Variants in SOX13 observed in about 807,000 individuals in gnomAD.
SOX13 encodes transcription factor SOX-13.
Under a neutral mutation model 71.8 loss-of-function variants are expected in SOX13, and 28 were observed. The ratio of observed to expected loss-of-function variants is 0.39; its 90% CI spans 0.29 to 0.53. SOX13 has a LOEUF of 0.53. SOX13 is among the 20% of genes least tolerant of loss of function. The pLI, the probability that SOX13 is intolerant of heterozygous loss-of-function variation, is 0.70. For missense variants in SOX13, 627 were observed against 810.3 expected, an observed-to-expected ratio of 0.77 and a Z score of 2.75; for synonymous variants, 309 against 317.8, an observed-to-expected ratio of 0.97 and a Z score of 0.29.
Position 204,115,652 on chromosome 1 carries a change from T to G in SOX13, c.419-855T>G, listed in dbSNP as rs1405441489. Among the ~76,000 whole-genome samples the G allele has an allele frequency of 2.3e-5, 3 of 130,442 alleles. No homozygotes were observed. The Admixed American group carries it at 2.4e-4, about 10-fold the overall frequency. The allele number at this position is 130,442 out of a possible 152,430, so 85.6% of individuals were successfully genotyped here. A position where few individuals can be genotyped will look rare whatever the true frequency, so the allele number is the denominator to read the frequency against. Reference sequence around the variant, plus strand: ...AGAGCTTTGCATATATTAGCGCTTCTTCTTCTTTTTTTTTTTTTTTTTTTT... The same window carrying G: ...AGAGCTTTGCATATATTAGCGCTTCGTCTTCTTTTTTTTTTTTTTTTTTTT... On this transcript the variant is annotated intron_variant, in intron 4 of 13. Transcript: ENST00000367204.
rs772429096 is a variant in SOX13, at chr1:204,123,678, G to A, written c.1249G>A (p.Glu417Lys). ...CDMDGSRHFP[E>K]SRNSSHIKRP... is the part of the protein sequence containing the mutation. ...TCTCCCAGGCTCCCGCCACTTCCCC[G>A]AGTCCCGAAACAGCAGCCACATCAA... The change falls in exon 12 of 14, where the codon GAG (glutamate) becomes AAG (lysine). Residue 417 changes from glutamate to lysine, a missense_variant. By Grantham distance (56) the Glu-to-Lys change is moderately conservative. Transcript: ENST00000367204. This position sits in a 1 kb window ranked among gnomAD's most constrained non-coding sequence, Gnocchi z 5.0. 4.3e-6 allele frequency: 7 copies of A among 1,613,780 alleles called. No homozygotes were observed. The highest frequency in any genetic ancestry group is 1.6e-4 in the Middle Eastern group (1 of 6,082).
intron 1 of SOX13, among the ~76,000 whole-genome samples, chr1:204,090,569 C>T (rs185991534): frequency 3.9e-5 from 6 of 152,146 alleles, no homozygotes; most frequent in East Asian, 1.9e-4. Context: ...CCACCACACT[C>T]GGCTAACTTT....
intron 1 of SOX13, among the ~76,000 whole-genome samples, chr1:204,096,600 A>G (rs973505736): frequency 1.4e-4 from 21 of 151,756 alleles, no homozygotes; most frequent in Admixed American, 3.9e-4. Flanking sequence ...TATTTTTAGT[A>G]GAGATGGGGT....
intron 1 of SOX13, among the ~76,000 whole-genome samples, chr1:204,094,103 T>C (rs2102234786): frequency 6.6e-6 from 1 of 152,320 alleles, no homozygotes; most frequent in East Asian, 1.9e-4. Context: ...TGTATGGGGC[T>C]TTATAAACCA....
At chr1:204,116,044 C>T (rs1558220098) in intron 4 of SOX13, 1 of 598,676 alleles carries the variant, frequency 1.7e-6, no homozygotes, top group Non-Finnish European at 2.5e-6. Flanking sequence ...TTTGAAAACC[C>T]TAAAGTGCAG....
chr1:204,074,676 A>G (rs1261076329), intron 1 of SOX13, among the ~76,000 whole-genome samples: 1 of 152,114 alleles, frequency 6.6e-6, no homozygotes, highest in Non-Finnish European at 1.5e-5. Context: ...AGGACAAGAG[A>G]CGTGGGGGTT....
chr1:204,093,104 A>T (rs1462311403), intron 1 of SOX13, among the ~76,000 whole-genome samples: 1 of 152,186 alleles, frequency 6.6e-6, no homozygotes, highest in Non-Finnish European at 1.5e-5. Context: ...CAAGTGTATC[A>T]GCATAGGGAC....
intron 4 of SOX13, 37 bp downstream of exon 4, chr1:204,114,642 C>T: frequency 6.7e-7 from 1 of 1,490,374 alleles, no homozygotes; most frequent in Non-Finnish European, 9.4e-7. Context: ...ATGTTTGAAC[C>T]CCATCTCTCT....
At chr1:204,077,806 T>TTTGC (rs2102217611) in intron 1 of SOX13, among the ~76,000 whole-genome samples, 1 of 152,220 alleles carries the variant, frequency 6.6e-6, no homozygotes, top group African/African-American at 2.4e-5. Flanking sequence ...TGTTTGTTTG[T>TTTGC]TTGCTTGTTT....
chr1:204,084,709 T>G (rs1402297667), intron 1 of SOX13, among the ~76,000 whole-genome samples: 1 of 152,072 alleles, frequency 6.6e-6, no homozygotes. Context: ...CCTTCCTCCC[T>G]CCTCTCAGGC....
chr1:204,089,393 A>G (rs1656094362), intron 1 of SOX13, among the ~76,000 whole-genome samples: 1 of 151,992 alleles, frequency 6.6e-6, no homozygotes, highest in African/African-American at 2.4e-5. Flanking sequence ...CTTCCCTCCC[A>G]CTCTCATGCC....
At chr1:204,109,055 C>T (rs1269482727) in intron 1 of SOX13, among the ~76,000 whole-genome samples, 2 of 152,212 alleles carry the variant, frequency 1.3e-5, no homozygotes, top group Non-Finnish European at 2.9e-5. Flanking sequence ...TCCCGGTGCC[C>T]GGATGGGCTG....
At position 204,091,405 on chromosome 1, in the gene SOX13, CT is replaced by C. The variant is rs539678809; in HGVS notation, c.-2+17699del. On this transcript the variant is annotated intron_variant, in intron 1 of 13. Transcript: ENST00000367204. ...TCGAGGAATATTGATCTCTAGATGT[CT>C]TTTTAAAACCAATGGTTTGGTATAT... Among the ~76,000 whole-genome samples the C allele has an allele frequency of 5.3e-5, 8 of 152,262 alleles. No individual in the cohort carries two copies. The East Asian group carries it at 1.4e-3, about 26-fold the overall frequency.
intron 5 of SOX13, 95 bp from the exon 6 acceptor site, chr1:204,117,027 C>T: frequency 8.0e-7 from 1 of 1,250,866 alleles, no homozygotes; most frequent in Non-Finnish European, 1.2e-6. Context: ...CATGGCTTGC[C>T]CCACTGTAGA....
Position 204,085,893 on chromosome 1 carries a change from T to C in SOX13, c.-2+12182T>C, listed in dbSNP as rs138783793. 5.8e-3 allele frequency among the ~76,000 whole-genome samples: 864 copies of C among 149,160 alleles called. 9 individuals carry two copies. The highest frequency in any genetic ancestry group is 0.019 in the African/African-American group (763 of 40,412). On this transcript the variant is annotated intron_variant, in intron 1 of 13. Coordinates refer to ENST00000367204, the MANE Select transcript of SOX13 (RefSeq NM_005686.3). ...TACTCGGGAGGCTGAGGCAGGTGAA[T>C]GGTGTGAACCCGGGAGGCGGAGCAG...
intron 1 of SOX13, among the ~76,000 whole-genome samples, chr1:204,087,413 T>C (rs1018147219): frequency 6.6e-6 from 1 of 152,214 alleles, no homozygotes; most frequent in East Asian, 1.9e-4. Context: ...AGGACCTTCC[T>C]GTAGCTTCCC....
At chr1:204,115,195 A>T (rs1656663549) in intron 4 of SOX13, among the ~76,000 whole-genome samples, 1 of 151,712 alleles carries the variant, frequency 6.6e-6, no homozygotes, top group Non-Finnish European at 1.5e-5. Flanking sequence ...TTTTGTAGAG[A>T]TGACGTCTTA....
chr1:204,112,308 G>A (rs1558218586), intron 1 of SOX13, among the ~76,000 whole-genome samples: 1 of 152,050 alleles, frequency 6.6e-6, no homozygotes, highest in African/African-American at 2.4e-5. Context: ...GGGGGTGGTG[G>A]CGTGTGCCTG....
Position 204,121,941 on chromosome 1 carries a change from G to C in SOX13, c.817G>C (p.Val273Leu). 6.2e-7 allele frequency: 1 copy of C among 1,612,968 alleles called. No individual in the cohort carries two copies. Among genetic ancestry groups the C allele is most frequent in the Non-Finnish European group, 8.5e-7 (1 of 1,179,074 alleles). Residue 273 changes from valine (V) to leucine (L), a missense_variant, in exon 8 of 14, where the codon GTG (valine) becomes CTG (leucine). Physicochemically the swap from Val to Leu is conservative, Grantham distance 32 (BLOSUM62 1). This residue lies in a region of SOX13 where 447 missense variants were observed against 532.2 expected (regional missense o/e 0.84). Coordinates refer to ENST00000367204, the MANE Select transcript of SOX13 (RefSeq NM_005686.3). ...GCTGCTGCACAGCCCCCCTGCCCCA[G>C]TGGTGAAGAGGCCTGGGGCCATGGC... ...LQLLHSPPAP[V>L]VKRPGAMATH...
Sources: allele counts gnomAD v4.1 joint callset (sites outside exome capture counted in the v4.1 genomes callset), GRCh38; gene constraint gnomAD v4.1.1; regional missense constraint gnomAD v4.1.1; non-coding constraint Gnocchi (gnomAD v3.1); transcripts MANE v1.5; gene names NCBI Gene and HGNC (gene_info 2026-07-23, HGNC 2026-07-21).